PRDX3: variants seen among roughly 807,000 people sequenced by gnomAD.
The protein encoded by PRDX3 is thioredoxin-dependent peroxide reductase, mitochondrial.
PRDX3 carries 20 observed loss-of-function variants against 30.4 expected under a neutral mutation model. That is an observed-to-expected ratio of 0.66 (90% confidence interval 0.46 to 0.96). The LOEUF is 0.96. Among genes scored for constraint, PRDX3 ranks in the 40% least tolerant of loss-of-function variants. PRDX3 has a pLI of 0.00. For synonymous variants in PRDX3, 124 were observed against 117.8 expected (o/e 1.05, Z -0.34); for missense variants, 322 against 318.3 (o/e 1.01, Z -0.09).
intron 1 of PRDX3, among the ~76,000 whole-genome samples, chr10:119,177,702 G>A (rs968689913): frequency 6.7e-6 from 1 of 149,840 alleles, no homozygotes; most frequent in African/African-American, 2.5e-5. Context: ...GCAACACAGG[G>A]TTCAGAAGCC....
Position 119,177,282 on chromosome 10 carries a change from G to A in PRDX3, c.37-129C>T, listed in dbSNP as rs947451115. On this transcript the variant is annotated intron_variant, in intron 1 of 6. Transcript: ENST00000298510. Reference sequence around the variant, plus strand: ...CCAAATAGCAAACCCCAAACTCTAAGAGCATGGATTGGATCTGCATGTTCT... The same window carrying A: ...CCAAATAGCAAACCCCAAACTCTAAAAGCATGGATTGGATCTGCATGTTCT... The A allele has an allele frequency of 3.6e-5, 31 of 866,374 alleles. 1 individual carries two copies. In the Middle Eastern group the frequency reaches 1.0e-3, roughly 29 times the overall value. The allele number at this position is 866,374 out of a possible 1,614,324, so 53.7% of individuals were successfully genotyped here.
intron 6 of PRDX3, 70 bp from the exon 7 acceptor site, chr10:119,168,603 A>G (rs552559018): frequency 1.3e-6 from 2 of 1,578,914 alleles, no homozygotes; most frequent in East Asian, 2.2e-5. Context: ...GTGAGTGGCA[A>G]TCTCCCAATT....
In PRDX3 at chr10:119,174,574, G is replaced by A. The variant is rs981075930; in HGVS notation, c.188C>T (p.Pro63Leu). 9 of 1,597,752 alleles carry A rather than the reference G, an allele frequency of 5.6e-6. No individual in the cohort carries two copies. Among genetic ancestry groups the A allele is most frequent in the South Asian group, 1.1e-5 (1 of 87,764 alleles). The change falls in exon 3 of 7, where the codon CCT (proline) becomes CTT (leucine). Residue 63 changes from proline to leucine, a missense_variant. Coordinates refer to ENST00000298510, the MANE Select transcript of PRDX3 (RefSeq NM_006793.5). Reference sequence around the variant, plus strand: ...ATAGGGTGCATGCTGGGTGACAGCAGGTGCATGGCATGAGGAACCTGAAAA... The same window carrying A: ...ATAGGGTGCATGCTGGGTGACAGCAAGTGCATGGCATGAGGAACCTGAAAA... ...LFSTSSSCHAPAVTQHAPYFK... is the reference protein window; with the variant it reads ...LFSTSSSCHALAVTQHAPYFK...
rs575608384 is a variant in PRDX3, at chr10:119,172,917, T to C, written c.448-432A>G. On this transcript the variant is annotated intron_variant, in intron 4 of 6. Transcript: ENST00000298510. ...AGTAGCTGGGACTACAGATGCTTTT[T>C]CTAATTCTTTATTATTTTATTTATT... Among the ~76,000 whole-genome samples the C allele has an allele frequency of 3.2e-4, 49 of 152,150 alleles. 3 individuals carry two copies. In the South Asian group the frequency reaches 6.6e-3, roughly 21 times the overall value.
chr10:119,169,393 C>G (rs780865913), intron 5 of PRDX3, 51 bp from the exon 6 acceptor site: 1 of 1,478,306 alleles, frequency 6.8e-7, no homozygotes, highest in East Asian at 2.3e-5. Flanking sequence ...AGAACTAGAA[C>G]AGTCTAACTT....
chr10:119,173,630 A>C (rs1287308647), intron 4 of PRDX3, 107 bp downstream of exon 4: 91 of 1,356,180 alleles, frequency 6.7e-5, no homozygotes, highest in East Asian at 2.9e-4. Flanking sequence ...AAAAAAAAAA[A>C]CCCAACCCTT....
At chr10:119,170,348 A>C (rs932527515) in intron 5 of PRDX3, 4 of 152,236 alleles carry the variant, frequency 2.6e-5, no homozygotes, top group African/African-American at 9.7e-5. Context: ...GAAGTCCACC[A>C]ATAGAAGGTG....
chr10:119,177,177 GAA>G, intron 1 of PRDX3, 24 bp from the exon 2 acceptor site: 1 of 1,610,988 alleles, frequency 6.2e-7, no homozygotes, highest in Non-Finnish European at 8.5e-7. Context: ...CTTTTTATTA[GAA>G]AGTTTTCCTG....
intron 5 of PRDX3, 99 bp from the exon 6 acceptor site, chr10:119,169,441 TA>T (rs1847854123): frequency 9.7e-7 from 1 of 1,032,670 alleles, no homozygotes; most frequent in South Asian, 1.7e-5. Context: ...TTTAATAAAA[TA>T]TTTATTAAGC....
chr10:119,172,608 C>G (rs1007292894), intron 4 of PRDX3, 123 bp from the exon 5 acceptor site: 61 of 807,504 alleles, frequency 7.6e-5, no homozygotes, highest in Non-Finnish European at 1.3e-4. Flanking sequence ...ACGGGCCAAG[C>G]ACTGCTTACT....
intron 1 of PRDX3, 31 bp downstream of exon 1, chr10:119,178,724 C>CCA (rs757438770): frequency 1.0e-5 from 16 of 1,550,688 alleles, no homozygotes; most frequent in Non-Finnish European, 1.4e-5. Flanking sequence ...ACCAGTGTCT[C>CCA]CACGCCTGTC....
chr10:119,174,974 CA>C (rs1847993162), intron 2 of PRDX3, among the ~76,000 whole-genome samples: 1 of 152,178 alleles, frequency 6.6e-6, no homozygotes, highest in South Asian at 2.1e-4. Context: ...AGTATAGACA[CA>C]ACCATCCATT....
chr10:119,173,130 G>C (rs1332905780), intron 4 of PRDX3, among the ~76,000 whole-genome samples: 3 of 151,850 alleles, frequency 2.0e-5, no homozygotes, highest in Non-Finnish European at 4.4e-5. Context: ...AGTAGAGATG[G>C]GGTTTCACCG....
intron 1 of PRDX3, among the ~76,000 whole-genome samples, chr10:119,177,368 C>T (rs561699503): frequency 9.9e-5 from 15 of 152,126 alleles, no homozygotes; most frequent in Non-Finnish European, 1.9e-4. Flanking sequence ...ACTATAAGAA[C>T]ACAAAGACCG....
chr10:119,168,734 T>G (rs1404920970), intron 6 of PRDX3, among the ~76,000 whole-genome samples: 2 of 151,294 alleles, frequency 1.3e-5, no homozygotes, highest in African/African-American at 4.9e-5. Context: ...TCCCAGCACT[T>G]TGGGAGGCCA....
intron 5 of PRDX3, among the ~76,000 whole-genome samples, chr10:119,171,734 T>C (rs944793133): frequency 6.6e-6 from 1 of 152,198 alleles, no homozygotes; most frequent in African/African-American, 2.4e-5. Flanking sequence ...ATGGGAAAAC[T>C]GGGGCTCAAC....
At position 119,178,781 on chromosome 10, in the gene PRDX3, C is replaced by G; in HGVS notation, c.10G>C (p.Ala4Pro). The change falls in exon 1 of 7, where the codon GCT becomes CCT. Residue 4 changes from alanine to proline, a missense_variant. Coordinates refer to ENST00000298510, the MANE Select transcript of PRDX3 (RefSeq NM_006793.5). ...GACGCTCGGAGCAACCGTCCTACAG[C>G]AGCCGCCATCTTCAGTGCACTCGGG... MAA[A>P]VGRLLRASVA... 2 of 1,553,052 alleles carry G rather than the reference C, an allele frequency of 1.3e-6. No homozygotes were observed. Among genetic ancestry groups the G allele is most frequent in the Non-Finnish European group, 1.7e-6 (2 of 1,148,264 alleles).
intron 6 of PRDX3, among the ~76,000 whole-genome samples, chr10:119,168,904 C>T (rs1847831092): frequency 6.8e-6 from 1 of 147,808 alleles, no homozygotes; most frequent in East Asian, 2.0e-4. Context: ...ACCCAGGAGG[C>T]GGAGCTTGCA....
At chr10:119,176,952 C>T in intron 2 of PRDX3, 69 bp downstream of exon 2, 1 of 1,587,548 alleles carries the variant, frequency 6.3e-7, no homozygotes. Context: ...GGGTTCAGAG[C>T]CCCTGTCCAG....
Sources: gnomAD v4.1 joint callset for allele counts (sites outside exome capture counted in the v4.1 genomes callset) on GRCh38, gnomAD v4.1.1 for gene constraint, MANE v1.5 for transcripts, NCBI Gene and HGNC (gene_info 2026-07-23, HGNC 2026-07-21) for gene names.